Variants in TMEM117 observed in about 807,000 individuals in gnomAD.
TMEM117 encodes the protein transmembrane protein 117.
In TMEM117, 27 loss-of-function variants were observed where a neutral mutation model predicts 52.4. That is an observed-to-expected ratio of 0.51 (90% CI 0.38 to 0.71). TMEM117 has a LOEUF of 0.71. Ranked by LOEUF, TMEM117 falls within the 30% of genes least tolerant of loss-of-function variation. The pLI is 0.00. For synonymous variants in TMEM117, 215 were observed against 206.3 expected (o/e 1.04, Z -0.36); for missense variants, 556 against 630.5 (o/e 0.88, Z 1.26).
At chr12:44,128,814 G>A (rs1432191923) in intron 3 of TMEM117, among the ~76,000 whole-genome samples, 2 of 152,192 alleles carry the variant, frequency 1.3e-5, no homozygotes, top group Admixed American at 6.5e-5. Flanking sequence ...TTTGCAAAAT[G>A]AGTATAAATT....
the TMEM117 span, among the ~76,000 whole-genome samples, chr12:43,821,322 A>G: frequency 5.3e-5 from 8 of 152,102 alleles, no homozygotes; most frequent in Non-Finnish European, 1.0e-4. Flanking sequence ...AGAGGTCTTA[A>G]CAGGCTGGAG....
At chr12:44,373,709 A>G (rs1951896838) in intron 6 of TMEM117, among the ~76,000 whole-genome samples, 1 of 150,892 alleles carries the variant, frequency 6.6e-6, no homozygotes, top group Non-Finnish European at 1.5e-5. Context: ...ACCGTCCCAA[A>G]TCTCTCTGCT....
chr12:44,004,820 C>A (rs1266101917), intron 3 of TMEM117, among the ~76,000 whole-genome samples: 3 of 152,070 alleles, frequency 2.0e-5, no homozygotes, highest in African/African-American at 7.2e-5. Flanking sequence ...GAGCAGTATA[C>A]CTAGCTGAGT....
intron 3 of TMEM117, among the ~76,000 whole-genome samples, chr12:44,115,704 C>A (rs1465997335): frequency 1.3e-5 from 2 of 152,130 alleles, no homozygotes; most frequent in East Asian, 1.9e-4. Context: ...TTTTCATATT[C>A]TTTCTGATTG....
chr12:43,914,628 C>A (rs1031010437), intron 2 of TMEM117, among the ~76,000 whole-genome samples: 3 of 152,114 alleles, frequency 2.0e-5, no homozygotes, highest in Non-Finnish European at 2.9e-5. Context: ...CTGACTGATA[C>A]GTCTGCATAT....
Position 44,293,218 on chromosome 12 carries a change from G to C in TMEM117, c.609-6362G>C, listed in dbSNP as rs150405780. Among the ~76,000 whole-genome samples the C allele has an allele frequency of 2.0e-3, 306 of 151,990 alleles. 2 individuals carry two copies. Among genetic ancestry groups the C allele is most frequent in the African/African-American group, 6.9e-3 (288 of 41,494 alleles). On this transcript the variant is annotated intron_variant, in intron 5 of 7. Coordinates refer to ENST00000266534, the MANE Select transcript of TMEM117 (RefSeq NM_032256.3). Reference sequence around the variant, plus strand: ...CAGATTTTGACTGAAAGTCCATTCTGTCTAATTTGAATATATCCACCCCTG... The same window carrying C: ...CAGATTTTGACTGAAAGTCCATTCTCTCTAATTTGAATATATCCACCCCTG...
the TMEM117 span, among the ~76,000 whole-genome samples, chr12:43,803,493 G>C: frequency 6.6e-6 from 1 of 152,006 alleles, no homozygotes; most frequent in East Asian, 1.9e-4. Context: ...TTTAGTCTTT[G>C]GAATTTTCCT....
At chr12:44,261,942 G>A (rs1159660533) in intron 5 of TMEM117, among the ~76,000 whole-genome samples, 3 of 152,156 alleles carry the variant, frequency 2.0e-5, no homozygotes, top group African/African-American at 7.2e-5. Flanking sequence ...ACAAGTTAAT[G>A]ACTTTTGTTC....
In TMEM117 at chr12:44,299,748, A is replaced by G; in HGVS notation, c.768+9A>G. On this transcript the variant is annotated intron_variant, in intron 6 of 7. Coordinates refer to ENST00000266534, the MANE Select transcript of TMEM117 (RefSeq NM_032256.3). Reference sequence around the variant, plus strand: ...TTCTTATTGTGATGCAGGTAAGTGTATTTCCCTCCCCTCAGTGAAGCTGCT... The same window carrying G: ...TTCTTATTGTGATGCAGGTAAGTGTGTTTCCCTCCCCTCAGTGAAGCTGCT... 6.2e-7 allele frequency: 1 copy of G among 1,613,802 alleles called. No individual in the cohort carries two copies.
Position 43,905,334 on chromosome 12 carries a change from C to T in TMEM117, c.278-38876C>T, listed in dbSNP as rs529852721. On this transcript the variant is annotated intron_variant, in intron 2 of 7. Transcript: ENST00000266534. ...ATTCTTTCTATTCATTCTCTTATTC[C>T]CAGTATGCACTCATCTGCATTTTCT... 1.3e-3 allele frequency among the ~76,000 whole-genome samples: 198 copies of T among 152,032 alleles called. 1 individual carries two copies. The highest frequency in any genetic ancestry group is 2.4e-3 in the Non-Finnish European group (165 of 67,998).
intron 6 of TMEM117, among the ~76,000 whole-genome samples, chr12:44,325,441 G>A (rs1421909799): frequency 6.6e-6 from 1 of 151,758 alleles, no homozygotes; most frequent in Non-Finnish European, 1.5e-5. Flanking sequence ...CAAAATTGAG[G>A]ACAAGGGACG....
chr12:43,796,776 G>C, the TMEM117 span, among the ~76,000 whole-genome samples: 1 of 152,014 alleles, frequency 6.6e-6, no homozygotes, highest in African/African-American at 2.4e-5. Context: ...GCCACATGTG[G>C]CTTACTAGGA....
At position 43,942,364 on chromosome 12, in the gene TMEM117, T is replaced by A. The variant is rs1287194823; in HGVS notation, c.278-1846T>A. ...CTCAAGCATTCTGTGGTTAATATATTTTTTTAATATTCTTGTCAGTATGTT... is the reference window on the plus strand; with the variant it reads ...CTCAAGCATTCTGTGGTTAATATATATTTTTAATATTCTTGTCAGTATGTT... On this transcript the variant is annotated intron_variant, in intron 2 of 7. Transcript: ENST00000266534. Among the ~76,000 whole-genome samples, 3 of 152,202 alleles carry A rather than the reference T, an allele frequency of 2.0e-5. No homozygotes were observed. The East Asian group carries it at 5.8e-4, about 29-fold the overall frequency.
chr12:44,284,336 C>T (rs1391740783), intron 5 of TMEM117, among the ~76,000 whole-genome samples: 11 of 151,932 alleles, frequency 7.2e-5, no homozygotes, highest in Admixed American at 3.3e-4. Context: ...AAAAAAGTGA[C>T]TTTCACCTCC....
chr12:44,203,989 A>C (rs1168387321), intron 4 of TMEM117, among the ~76,000 whole-genome samples: 1 of 152,186 alleles, frequency 6.6e-6, no homozygotes, highest in Non-Finnish European at 1.5e-5. Flanking sequence ...ATATGGATGC[A>C]TTTCCCCTGA....
intron 4 of TMEM117, among the ~76,000 whole-genome samples, chr12:44,189,179 T>C (rs570641452): frequency 6.6e-6 from 1 of 152,318 alleles, no homozygotes; most frequent in East Asian, 1.9e-4. Context: ...AACTATATGT[T>C]TAATTTTTAA....
At chr12:44,225,230 A>G (rs1949845403) in intron 5 of TMEM117, among the ~76,000 whole-genome samples, 2 of 152,224 alleles carry the variant, frequency 1.3e-5, no homozygotes, top group Non-Finnish European at 1.5e-5. Flanking sequence ...TCTAAAATAT[A>G]GTTGGCTGGG....
chr12:44,258,936 G>A (rs1950291057), intron 5 of TMEM117, among the ~76,000 whole-genome samples: 1 of 152,018 alleles, frequency 6.6e-6, no homozygotes, highest in Admixed American at 6.6e-5. Context: ...AAGTCACCAT[G>A]GATGTCAAGA....
chr12:43,961,457 A>G (rs1288107615), intron 3 of TMEM117, among the ~76,000 whole-genome samples: 3 of 152,158 alleles, frequency 2.0e-5, no homozygotes, highest in Admixed American at 2.0e-4. Flanking sequence ...TTAATGTGTA[A>G]TCTTAAAGAT....
Sources: allele counts gnomAD v4.1 joint callset (sites outside exome capture counted in the v4.1 genomes callset), GRCh38; gene constraint gnomAD v4.1.1; transcripts MANE v1.5; gene names NCBI Gene and HGNC (gene_info 2026-07-23, HGNC 2026-07-21).